Variants in VPS13B observed in about 807,000 individuals in gnomAD.
VPS13B encodes the protein vacuolar protein sorting 13 homolog B, also known as intermembrane lipid transfer protein VPS13B.
In VPS13B, 285 loss-of-function variants were observed where a neutral mutation model predicts 426.4. The ratio of observed to expected loss-of-function variants is 0.67; its 90% CI spans 0.61 to 0.74. VPS13B has a LOEUF of 0.74. Ranked by LOEUF, VPS13B falls within the 30% of genes least tolerant of loss-of-function variation. VPS13B has a pLI of 0.00. For missense variants in VPS13B, 4,537 were observed against 4,782.6 expected, an observed-to-expected ratio of 0.95 and a Z score of 1.51; for synonymous variants, 1,676 against 1,676.4, an observed-to-expected ratio of 1.00 and a Z score of 0.01.
At chr8:99,456,380 G>C (rs778969643) in intron 23 of VPS13B, among the ~76,000 whole-genome samples, 1 of 152,022 alleles carries the variant, frequency 6.6e-6, no homozygotes, top group African/African-American at 2.4e-5. Context: ...TCTTGGCCAG[G>C]TTTGTTTTGA....
chr8:99,028,242 G>C (rs962714216), intron 2 of VPS13B, among the ~76,000 whole-genome samples: 25 of 151,710 alleles, frequency 1.6e-4, no homozygotes, highest in Admixed American at 7.9e-4. Context: ...CCTCCCAGAC[G>C]GGGTCGTGGC....
chr8:99,029,237 G>T (rs1411624690), intron 2 of VPS13B, among the ~76,000 whole-genome samples: 3 of 149,746 alleles, frequency 2.0e-5, no homozygotes, highest in South Asian at 2.1e-4. Flanking sequence ...GGGAAGAGGC[G>T]CTCCTCGCTT....
intron 25 of VPS13B, 128 bp downstream of exon 25, chr8:99,481,930 G>A: frequency 2.6e-6 from 3 of 1,146,766 alleles, no homozygotes; most frequent in Non-Finnish European, 3.8e-6. Context: ...TTCAAGAGGA[G>A]CTGTGGCAGC....
At chr8:99,415,709 T>G (rs763725569) in intron 21 of VPS13B, among the ~76,000 whole-genome samples, 26 of 152,226 alleles carry the variant, frequency 1.7e-4, no homozygotes, top group Admixed American at 1.6e-3. Context: ...GGAGGTTCAC[T>G]CCAGAACCTG....
intron 19 of VPS13B, among the ~76,000 whole-genome samples, chr8:99,310,067 T>C (rs1820868936): frequency 6.6e-6 from 1 of 152,216 alleles, no homozygotes; most frequent in Non-Finnish European, 1.5e-5. Flanking sequence ...GCTTATCAGC[T>C]TAAGGAGATT....
rs1821785773 is a variant in VPS13B, at chr8:99,511,504, C to T, written c.4625C>T (p.Thr1542Ile). The part of the protein sequence containing the change: ...FIPKTEEMQP[T>I]VEANQAAKED... ...CCAAAAACAGAAGAAATGCAGCCAA[C>T]TGTTGAAGGTATTGTCTTCTGATTT... Residue 1542 changes from threonine to isoleucine, a missense_variant, in exon 29 of 62, where the codon ACT (threonine) becomes ATT (isoleucine). This residue lies in a region of VPS13B where 4,311 missense variants were observed against 4,474.3 expected (regional missense o/e 0.96). Coordinates refer to ENST00000357162, the MANE Select transcript of VPS13B (RefSeq NM_152564.5). The T allele has an allele frequency of 6.2e-7, 1 of 1,612,602 alleles. No homozygotes were observed. The highest frequency in any genetic ancestry group is 1.7e-4 in the Middle Eastern group (1 of 6,054).
rs1274293729 is a variant in VPS13B at position 99,401,154 on chromosome 8, T to C, written c.3082+9450T>C. 2.0e-5 allele frequency among the ~76,000 whole-genome samples: 3 copies of C among 152,342 alleles called. No homozygotes were observed. The East Asian group carries it at 5.8e-4, about 29-fold the overall frequency. On this transcript the variant is annotated intron_variant, in intron 21 of 61. Transcript: ENST00000357162. ...CATCATTGACTGTACTCAGGATACT[T>C]ATTTTTCAGTCCCATCTATTTTGCA...
At chr8:99,627,407 A>G (rs1051089482) in intron 33 of VPS13B, among the ~76,000 whole-genome samples, 1 of 151,930 alleles carries the variant, frequency 6.6e-6, no homozygotes, top group Non-Finnish European at 1.5e-5. Context: ...ATTTTATTTT[A>G]TTTTTATTTT....
At chr8:99,257,562 A>G (rs952667974) in intron 17 of VPS13B, among the ~76,000 whole-genome samples, 49 of 8,904 alleles carry the variant, frequency 5.5e-3, no homozygotes, top group African/African-American at 0.025. Context: ...GCATGTGTGT[A>G]CACACACACA....
chr8:99,582,109 A>G (rs1164769832), intron 33 of VPS13B, among the ~76,000 whole-genome samples: 2 of 151,856 alleles, frequency 1.3e-5, no homozygotes, highest in African/African-American at 4.9e-5. Context: ...GTTTAACAGG[A>G]CTGTGGTTGA....
intron 19 of VPS13B, among the ~76,000 whole-genome samples, chr8:99,296,752 A>G (rs1220071378): frequency 6.6e-6 from 1 of 152,132 alleles, no homozygotes; most frequent in Non-Finnish European, 1.5e-5. Context: ...GGTTGAAGGA[A>G]GCACTCATCT....
intron 36 of VPS13B, among the ~76,000 whole-genome samples, chr8:99,715,616 G>T (rs955654250): frequency 6.6e-6 from 1 of 152,116 alleles, no homozygotes; most frequent in African/African-American, 2.4e-5. Flanking sequence ...CTGTGTACAA[G>T]GATTCAATAT....
chr8:99,280,373 A>T (rs531462667), intron 19 of VPS13B, among the ~76,000 whole-genome samples: 1 of 152,044 alleles, frequency 6.6e-6, no homozygotes. Context: ...ACATTCTTTC[A>T]TAGCTGTTAA....
At chr8:99,297,431 T>C (rs1820101895) in intron 19 of VPS13B, among the ~76,000 whole-genome samples, 1 of 152,198 alleles carries the variant, frequency 6.6e-6, no homozygotes, top group Non-Finnish European at 1.5e-5. Context: ...TATTTTCTTA[T>C]TAAAATAATG....
At chr8:99,533,063 C>T (rs1468369325) in intron 30 of VPS13B, among the ~76,000 whole-genome samples, 1 of 151,380 alleles carries the variant, frequency 6.6e-6, no homozygotes, top group Non-Finnish European at 1.5e-5. Flanking sequence ...CCTCAGCCTC[C>T]CAGGTAGCTG....
intron 31 of VPS13B, among the ~76,000 whole-genome samples, chr8:99,558,752 T>C (rs1588493602): frequency 6.6e-6 from 1 of 152,256 alleles, no homozygotes; most frequent in South Asian, 2.1e-4. Context: ...TCCTTTTTTA[T>C]GGCTGCATAG....
intron 24 of VPS13B, among the ~76,000 whole-genome samples, chr8:99,469,938 G>T (rs1398899132): frequency 6.6e-6 from 1 of 152,156 alleles, no homozygotes; most frequent in Non-Finnish European, 1.5e-5. Flanking sequence ...AAGCCAAGGA[G>T]CACCCAAGAT....
intron 3 of VPS13B, among the ~76,000 whole-genome samples, chr8:99,065,885 G>C (rs1844471208): frequency 6.6e-6 from 1 of 152,164 alleles, no homozygotes; most frequent in Admixed American, 6.5e-5. Context: ...CAAATCATGA[G>C]TGAACTCCCA....
chr8:99,789,273 A>G (rs368733509), intron 43 of VPS13B, among the ~76,000 whole-genome samples: 6 of 152,172 alleles, frequency 3.9e-5, no homozygotes, highest in African/African-American at 1.4e-4. Context: ...GCATGTATAC[A>G]TATATATTTA....
Sources: allele counts gnomAD v4.1 joint callset (sites outside exome capture counted in the v4.1 genomes callset), GRCh38; gene constraint gnomAD v4.1.1; regional missense constraint gnomAD v4.1.1; transcripts MANE v1.5; gene names NCBI Gene and HGNC (gene_info 2026-07-23, HGNC 2026-07-21).